CSMD2: variants seen among roughly 807,000 people sequenced by gnomAD.
The protein encoded by CSMD2 is CUB and sushi domain-containing protein 2.
In CSMD2, 130 loss-of-function variants were observed where a neutral mutation model predicts 398.5. That is an observed-to-expected ratio of 0.33 (90% CI 0.28 to 0.38). CSMD2 has a LOEUF of 0.38. Ranked by LOEUF, CSMD2 falls within the 10% of genes least tolerant of loss-of-function variation. The pLI is 1.00. For missense variants in CSMD2, 3,829 were observed against 4,764.9 expected (o/e 0.80, Z 5.78); for synonymous variants, 1,828 against 1,908.5 (o/e 0.96, Z 1.10).
intron 1 of CSMD2, among the ~76,000 whole-genome samples, chr1:34,098,741 G>A (rs946174845): frequency 3.9e-5 from 6 of 151,948 alleles, no homozygotes; most frequent in African/African-American, 7.2e-5. Flanking sequence ...TTATCTCCTC[G>A]AATCGCACCA....
chr1:33,849,626 C>T (rs530911149), intron 5 of CSMD2, among the ~76,000 whole-genome samples: 287 of 152,202 alleles, frequency 1.9e-3, no homozygotes, highest in African/African-American at 6.7e-3. Context: ...AGGAACTGTA[C>T]ATTTAAAATA....
chr1:33,692,686 G>A (rs921214371), intron 25 of CSMD2, among the ~76,000 whole-genome samples: 1 of 152,292 alleles, frequency 6.6e-6, no homozygotes, highest in African/African-American at 2.4e-5. Context: ...CCATGCCCTC[G>A]GCTACTCTGC....
At chr1:33,606,587 T>C (rs1334517516) in intron 41 of CSMD2, among the ~76,000 whole-genome samples, 1 of 152,174 alleles carries the variant, frequency 6.6e-6, no homozygotes, top group Non-Finnish European at 1.5e-5. Context: ...CACGGGGGTT[T>C]GGGCCGTTTG....
At chr1:33,590,075 A>G (rs1282167851) in intron 44 of CSMD2, among the ~76,000 whole-genome samples, 1 of 151,938 alleles carries the variant, frequency 6.6e-6, no homozygotes, top group African/African-American at 2.4e-5. Flanking sequence ...TGGGTACTTT[A>G]TATTTTGTGA....
Position 33,652,305 on chromosome 1 carries a change from C to A in CSMD2, c.4586+18G>T. On this transcript the variant is annotated intron_variant, in intron 28 of 70. Transcript: ENST00000373381. ...CACTCTGAACCCTTCGTCTCCCACC[C>A]GGGGGAAAGGTACATACATGTTAAA... is the stretch of plus-strand genomic sequence containing the variant. 2 of 1,612,702 alleles carry A rather than the reference C, an allele frequency of 1.2e-6. No individual in the cohort carries two copies. The highest frequency in any genetic ancestry group is 1.1e-5 in the South Asian group (1 of 90,940).
chr1:33,848,362 G>C (rs1372864234), intron 5 of CSMD2, among the ~76,000 whole-genome samples: 3 of 152,204 alleles, frequency 2.0e-5, no homozygotes, highest in Non-Finnish European at 4.4e-5. Flanking sequence ...AGCCCATCAA[G>C]AGGAGGCAAA....
At chr1:34,063,831 C>A (rs2148272752) in intron 2 of CSMD2, among the ~76,000 whole-genome samples, 1 of 152,358 alleles carries the variant, frequency 6.6e-6, no homozygotes, top group Admixed American at 6.5e-5. Context: ...GAGGGCCCCG[C>A]CCGTACAGCA....
rs1639297446 is a variant in CSMD2 at position 33,589,599 on chromosome 1, T to C, written c.6857-2431A>G. ...TTAAAAGAGTTGTGATGAACCAATA[T>C]GTTAGAAGTTTAAATACTTAAAACA... On this transcript the variant is annotated intron_variant, in intron 44 of 70. Transcript: ENST00000373381. 2.0e-5 allele frequency among the ~76,000 whole-genome samples: 3 copies of C among 152,208 alleles called. No individual in the cohort carries two copies. The South Asian group carries it at 6.2e-4, about 32-fold the overall frequency.
intron 62 of CSMD2, 59 bp downstream of exon 62, chr1:33,536,963 T>G: frequency 6.5e-7 from 1 of 1,538,302 alleles, no homozygotes; most frequent in Non-Finnish European, 9.0e-7. Context: ...TCCTCTTATG[T>G]TGACAGTGAC....
Position 33,792,544 on chromosome 1 carries a change from G to T in CSMD2, c.1447-18C>A, listed in dbSNP as rs751001973. On this transcript the variant is annotated intron_variant, in intron 10 of 70. Coordinates refer to ENST00000373381, the MANE Select transcript of CSMD2 (RefSeq NM_001281956.2). ...TTGATCACCTAGGGAGGGAACACAG[G>T]GTTAGGAGCAGGCAGGGGCTGTGAG... 3 of 1,571,946 alleles carry T rather than the reference G, an allele frequency of 1.9e-6. No homozygotes were observed. Among genetic ancestry groups the T allele is most frequent in the Non-Finnish European group, 2.6e-6 (3 of 1,141,492 alleles).
At chr1:34,120,091 T>TA in intron 1 of CSMD2, among the ~76,000 whole-genome samples, 1 of 152,248 alleles carries the variant, frequency 6.6e-6, no homozygotes, top group East Asian at 1.9e-4. Context: ...ACTCCACCTT[T>TA]AAAAAAGGAA....
chr1:34,042,352 C>A (rs1651946041), intron 2 of CSMD2, among the ~76,000 whole-genome samples: 1 of 152,210 alleles, frequency 6.6e-6, no homozygotes, highest in African/African-American at 2.4e-5. Flanking sequence ...TTCCCAAGGT[C>A]AAATTGGCAT....
intron 5 of CSMD2, among the ~76,000 whole-genome samples, chr1:33,901,714 T>A (rs1642769803): frequency 6.6e-6 from 1 of 152,206 alleles, no homozygotes; most frequent in Non-Finnish European, 1.5e-5. Flanking sequence ...ACAAAGCTTA[T>A]CACAGAAACT....
intron 4 of CSMD2, among the ~76,000 whole-genome samples, chr1:33,931,028 G>C (rs999028075): frequency 6.6e-6 from 1 of 152,236 alleles, no homozygotes; most frequent in Non-Finnish European, 1.5e-5. Flanking sequence ...GGAAGCTTTG[G>C]ACTTAAAGAG....
chr1:34,152,078 T>TGGCCTCAAGCAATCCTCCC (rs1553121804), intron 1 of CSMD2, among the ~76,000 whole-genome samples: 3 of 152,174 alleles, frequency 2.0e-5, no homozygotes, highest in Admixed American at 6.5e-5. Context: ...CTCAAACTCC[T>TGGCCTCAAGCAATCCTCCC]GGCCTCAAGC....
intron 4 of CSMD2, among the ~76,000 whole-genome samples, chr1:33,925,700 C>T (rs1410635075): frequency 6.6e-6 from 1 of 152,132 alleles, no homozygotes; most frequent in Non-Finnish European, 1.5e-5. Flanking sequence ...ACACCACTCT[C>T]TCTGTTGGAA....
chr1:34,038,470 T>G (rs1651424848), intron 2 of CSMD2, among the ~76,000 whole-genome samples: 1 of 152,226 alleles, frequency 6.6e-6, no homozygotes, highest in Non-Finnish European at 1.5e-5. Context: ...TCTTCTCATT[T>G]TCTCCACTGT....
chr1:33,601,706 A>T (rs956821808), intron 43 of CSMD2, among the ~76,000 whole-genome samples: 3 of 152,238 alleles, frequency 2.0e-5, no homozygotes, highest in African/African-American at 7.2e-5. Context: ...TCAAATGCTA[A>T]TTTGTATTCC....
intron 1 of CSMD2, among the ~76,000 whole-genome samples, chr1:34,136,791 T>G (rs1020797195): frequency 7.2e-5 from 11 of 152,198 alleles, no homozygotes; most frequent in Non-Finnish European, 1.6e-4. Flanking sequence ...GGGTCTTTCC[T>G]CTTGTACATT....
Sources: allele counts gnomAD v4.1 joint callset (sites outside exome capture counted in the v4.1 genomes callset), GRCh38; gene constraint gnomAD v4.1.1; transcripts MANE v1.5; gene names NCBI Gene and HGNC (gene_info 2026-07-23, HGNC 2026-07-21).